AGMO: variants seen among roughly 807,000 people sequenced by gnomAD.
AGMO encodes alkylglycerol monooxygenase, also known as glyceryl-ether monooxygenase.
A neutral mutation model predicts 60.2 loss-of-function variants in AGMO; 75 were observed. The ratio of observed to expected loss-of-function variants is 1.25; its 90% CI spans 1.03 to 1.51. AGMO has a LOEUF of 1.51. Among genes scored for constraint, AGMO ranks in the 40% most tolerant of loss-of-function variants. The probability of loss-of-function intolerance (pLI) is 0.00; values close to 1 mark genes in which losing one functional copy is unlikely to be tolerated. For missense variants in AGMO, 763 were observed against 525.5 expected, an observed-to-expected ratio of 1.45 and a Z score of -4.42; for synonymous variants, 261 against 177.1, an observed-to-expected ratio of 1.47 and a Z score of -3.76.
At chr7:15,437,531 CTTTTTTTTT>C (rs201021445) in intron 3 of AGMO, among the ~76,000 whole-genome samples, 3 of 120,602 alleles carry the variant, frequency 2.5e-5, no homozygotes, top group Non-Finnish European at 3.4e-5. Flanking sequence ...AAATTTTTTC[CTTTTTTTTT>C]TTTTTTTTTT....
chr7:15,256,642 G>A (rs1321158235), intron 12 of AGMO, among the ~76,000 whole-genome samples: 2 of 152,152 alleles, frequency 1.3e-5, no homozygotes, highest in Admixed American at 6.5e-5. Context: ...GATCGCAGGC[G>A]CAAGCCACTG....
chr7:15,367,598 C>CTTT, intron 10 of AGMO, among the ~76,000 whole-genome samples: 1 of 151,956 alleles, frequency 6.6e-6, no homozygotes, highest in Non-Finnish European at 1.5e-5. Context: ...TACATATGAG[C>CTTT]AATAGATTTA....
At chr7:15,496,107 G>T (rs1221642941) in intron 3 of AGMO, among the ~76,000 whole-genome samples, 1 of 152,142 alleles carries the variant, frequency 6.6e-6, no homozygotes, top group East Asian at 1.9e-4. Flanking sequence ...ATATAGATTT[G>T]CACAGCTTGG....
chr7:15,247,297 GATA>G (rs1782768882), intron 12 of AGMO, among the ~76,000 whole-genome samples: 1 of 152,034 alleles, frequency 6.6e-6, no homozygotes, highest in Non-Finnish European at 1.5e-5. Flanking sequence ...GTTGAAAGTG[GATA>G]ATATTTTTCT....
chr7:15,190,409 A>C, the AGMO span, among the ~76,000 whole-genome samples: 1 of 151,936 alleles, frequency 6.6e-6, no homozygotes, highest in Non-Finnish European at 1.5e-5. Flanking sequence ...CACAGAGAGT[A>C]AAGTAGATCA....
Position 15,446,127 on chromosome 7 carries a change from T to G in AGMO, c.410-15019A>C, listed in dbSNP as rs1429179595. 3.3e-5 allele frequency among the ~76,000 whole-genome samples: 5 copies of G among 152,284 alleles called. No homozygotes were observed. The South Asian group carries it at 6.2e-4, about 19-fold the overall frequency. ...ATTTAAAAGATCATGAAGCAAAATATTGTCAAAGCCTAAGGCCCATGTAGA... is the reference window on the plus strand; with the variant it reads ...ATTTAAAAGATCATGAAGCAAAATAGTGTCAAAGCCTAAGGCCCATGTAGA... On this transcript the variant is annotated intron_variant, in intron 3 of 12. Transcript: ENST00000342526.
intron 12 of AGMO, among the ~76,000 whole-genome samples, chr7:15,276,288 T>C (rs1206521875): frequency 6.6e-6 from 1 of 152,170 alleles, no homozygotes; most frequent in Non-Finnish European, 1.5e-5. Flanking sequence ...TCATTTATGA[T>C]GCACAGTTTG....
At chr7:15,329,286 C>T (rs117106796) in intron 12 of AGMO, among the ~76,000 whole-genome samples, 1 of 152,126 alleles carries the variant, frequency 6.6e-6, no homozygotes, top group African/African-American at 2.4e-5. Flanking sequence ...AGTTGCTTCC[C>T]TTTTTCTTTC....
intron 12 of AGMO, among the ~76,000 whole-genome samples, chr7:15,311,950 G>A (rs1011767738): frequency 1.3e-5 from 2 of 152,080 alleles, no homozygotes; most frequent in Non-Finnish European, 2.9e-5. Flanking sequence ...GTAAATGGAT[G>A]GGTTTAATAT....
At chr7:15,384,763 T>C (rs891187784) in intron 10 of AGMO, among the ~76,000 whole-genome samples, 5 of 151,782 alleles carry the variant, frequency 3.3e-5, no homozygotes, top group Non-Finnish European at 7.4e-5. Flanking sequence ...TTTGATCTAC[T>C]GTAAATTTTT....
intron 3 of AGMO, among the ~76,000 whole-genome samples, chr7:15,507,878 A>G (rs1783560954): frequency 6.6e-6 from 1 of 151,970 alleles, no homozygotes; most frequent in South Asian, 2.1e-4. Context: ...GCTTCACACT[A>G]ATTTTGTGGG....
intron 12 of AGMO, among the ~76,000 whole-genome samples, chr7:15,337,770 G>C (rs953104596): frequency 2.6e-5 from 4 of 152,190 alleles, no homozygotes; most frequent in African/African-American, 9.6e-5. Context: ...AGCGACTGCT[G>C]AGTCTCACCA....
chr7:15,186,329 C>T, the AGMO span, among the ~76,000 whole-genome samples: 1 of 152,302 alleles, frequency 6.6e-6, no homozygotes, highest in East Asian at 1.9e-4. Context: ...TCAAATGTTT[C>T]TTCAGTAGTT....
At chr7:15,355,203 G>A (rs939894803) in intron 12 of AGMO, among the ~76,000 whole-genome samples, 1 of 151,992 alleles carries the variant, frequency 6.6e-6, no homozygotes, top group African/African-American at 2.4e-5. Context: ...AGTAAATCTT[G>A]CTAAAGAAGC....
intron 12 of AGMO, among the ~76,000 whole-genome samples, chr7:15,223,673 A>T (rs1444782305): frequency 6.6e-5 from 10 of 152,016 alleles, no homozygotes; most frequent in Admixed American, 6.6e-4. Context: ...ACTCTGCTAC[A>T]TGAAGAAGTC....
At chr7:15,386,184 A>G (rs191377533) in intron 9 of AGMO, among the ~76,000 whole-genome samples, 132 of 76,312 alleles carry the variant, frequency 1.7e-3, no homozygotes, top group Non-Finnish European at 1.7e-3. Context: ...AAAAAAAAAG[A>G]AAAGAAAAGA....
intron 12 of AGMO, among the ~76,000 whole-genome samples, chr7:15,335,961 T>C (rs4074352): frequency 0.56 from 84,493 of 151,896 alleles, 24,849 homozygotes; most frequent in African/African-American, 0.77. Flanking sequence ...GTAATATATC[T>C]CCATCATGAG....
At chr7:15,307,231 C>A (rs187584233) in intron 12 of AGMO, among the ~76,000 whole-genome samples, 1 of 151,954 alleles carries the variant, frequency 6.6e-6, no homozygotes, top group East Asian at 1.9e-4. Context: ...GACTGTTCTG[C>A]GGCCATAAAA....
chr7:15,555,040 T>C (rs1203682954), intron 2 of AGMO, among the ~76,000 whole-genome samples: 2 of 151,878 alleles, frequency 1.3e-5, no homozygotes, highest in African/African-American at 4.8e-5. Flanking sequence ...TCAGAATAAG[T>C]AGACTCATGT....
Sources: gnomAD v4.1 joint callset for allele counts (sites outside exome capture counted in the v4.1 genomes callset) on GRCh38, gnomAD v4.1.1 for gene constraint, MANE v1.5 for transcripts, NCBI Gene and HGNC (gene_info 2026-07-23, HGNC 2026-07-21) for gene names.